SLC16A10: variants seen among roughly 807,000 people sequenced by gnomAD.
SLC16A10 encodes the protein solute carrier family 16 member 10.
A neutral mutation model predicts 40.0 loss-of-function variants in SLC16A10; 27 were observed. That is an observed-to-expected ratio of 0.67 (90% CI 0.50 to 0.93). SLC16A10 has a LOEUF of 0.93. Ranked by LOEUF, SLC16A10 falls within the 40% of genes least tolerant of loss-of-function variation. The pLI is 0.00. For missense variants in SLC16A10, 529 were observed against 658.2 expected (o/e 0.80, Z 2.15); for synonymous variants, 213 against 249.8 (o/e 0.85, Z 1.39).
chr6:111,230,385 TC>T lies in SLC16A10; in HGVS notation c.*8152del, dbSNP rs1308882438. 1.3e-5 allele frequency: 2 copies of T among 152,214 alleles called. No individual in the cohort carries two copies. The highest frequency in any genetic ancestry group is 4.8e-5 in the African/African-American group (2 of 41,446). The allele number at this position is 152,214 out of a possible 1,614,324, so 9.4% of individuals were successfully genotyped here. ...AAGAAGACAATACACACTCTCATTT[TC>T]CTAATTAGAAAGACTATGCATTCAC... is the stretch of plus-strand genomic sequence containing the variant. On this transcript the variant is annotated 3_prime_UTR_variant, in exon 6 of 6. Transcript: ENST00000368851.
At chr6:111,121,027 G>A (rs538891297) in intron 1 of SLC16A10, among the ~76,000 whole-genome samples, 32 of 152,146 alleles carry the variant, frequency 2.1e-4, no homozygotes, top group Middle Eastern at 6.8e-3. Flanking sequence ...ATATATTTTT[G>A]TCAAATATTT....
chr6:111,172,909 CTA>C, intron 2 of SLC16A10, 70 bp downstream of exon 2: 2 of 1,537,284 alleles, frequency 1.3e-6, no homozygotes, highest in Non-Finnish European at 1.8e-6. Flanking sequence ...CTTTCAGAAA[CTA>C]TGCTATTTAC....
At chr6:111,146,228 T>C (rs1433262466) in intron 1 of SLC16A10, among the ~76,000 whole-genome samples, 1 of 152,168 alleles carries the variant, frequency 6.6e-6, no homozygotes, top group East Asian at 1.9e-4. Flanking sequence ...CATTGGTCAT[T>C]AGAGAAATGC....
intron 4 of SLC16A10, among the ~76,000 whole-genome samples, chr6:111,210,991 C>A (rs371053830): frequency 2.0e-5 from 3 of 150,728 alleles, no homozygotes; most frequent in African/African-American, 7.3e-5. Context: ...CTACTGCACT[C>A]CAGCCTGGGT....
chr6:111,212,643 G>C (rs1773362378), intron 4 of SLC16A10, among the ~76,000 whole-genome samples: 1 of 151,924 alleles, frequency 6.6e-6, no homozygotes, highest in African/African-American at 2.4e-5. Context: ...AAATTAAAAA[G>C]TTAGCTGGAC....
intron 1 of SLC16A10, among the ~76,000 whole-genome samples, chr6:111,141,786 T>G (rs1026595133): frequency 3.3e-5 from 5 of 152,210 alleles, no homozygotes; most frequent in African/African-American, 1.2e-4. Context: ...AAAGCTCTGA[T>G]GAAAGAAATA....
chr6:111,094,080 A>T (rs1408290937), intron 1 of SLC16A10, among the ~76,000 whole-genome samples: 1 of 152,238 alleles, frequency 6.6e-6, no homozygotes. Context: ...GAACCCAATT[A>T]GCCAAAATGA....
rs1477698218 is a variant in SLC16A10 at position 111,156,254 on chromosome 6, G to A, written c.344-16441G>A. 3.2e-4 allele frequency among the ~76,000 whole-genome samples: 48 copies of A among 152,212 alleles called. 1 individual carries two copies. Among genetic ancestry groups the A allele is most frequent in the Non-Finnish European group, 2.9e-5 (2 of 68,038 alleles). On this transcript the variant is annotated intron_variant, in intron 1 of 5. Transcript: ENST00000368851. ...AATTTATGTAGGTAAATACTTCACT[G>A]TCAAAGAGGCAGAGCATAATTAATT...
rs541680538 is a variant in SLC16A10, at chr6:111,093,213, A to C, written c.343+5118A>C. Among the ~76,000 whole-genome samples the C allele has an allele frequency of 5.9e-5, 9 of 152,332 alleles. No homozygotes were observed. In the East Asian group the frequency reaches 1.7e-3, roughly 29 times the overall value. On this transcript the variant is annotated intron_variant, in intron 1 of 5. Transcript: ENST00000368851. Reference sequence around the variant, plus strand: ...CAACAAGAGAGAAACTTTGTCTCACACACAAAAAAAGTGTAAATCAAAACA... The same window carrying C: ...CAACAAGAGAGAAACTTTGTCTCACCCACAAAAAAAGTGTAAATCAAAACA...
At chr6:111,212,958 A>G (rs991619046) in intron 4 of SLC16A10, among the ~76,000 whole-genome samples, 13 of 152,154 alleles carry the variant, frequency 8.5e-5, no homozygotes, top group Non-Finnish European at 1.5e-4. Flanking sequence ...GTGTCGTGGT[A>G]TCTTTTTACT....
At chr6:111,125,163 C>T (rs546243074) in intron 1 of SLC16A10, among the ~76,000 whole-genome samples, 38 of 152,110 alleles carry the variant, frequency 2.5e-4, no homozygotes, top group Admixed American at 1.0e-3. Context: ...TCAGTAGATC[C>T]GTGAATCCTG....
intron 3 of SLC16A10, among the ~76,000 whole-genome samples, chr6:111,184,563 C>T (rs1772860493): frequency 6.6e-6 from 1 of 151,612 alleles, no homozygotes; most frequent in Admixed American, 6.6e-5. Flanking sequence ...CTCACTGCAA[C>T]CTTCACCTCC....
intron 3 of SLC16A10, among the ~76,000 whole-genome samples, chr6:111,179,289 C>G (rs1479430694): frequency 6.6e-6 from 1 of 152,198 alleles, no homozygotes; most frequent in Non-Finnish European, 1.5e-5. Flanking sequence ...ACATATATTA[C>G]TTCATTTGAC....
chr6:111,200,104 A>G (rs1773144990), intron 3 of SLC16A10, among the ~76,000 whole-genome samples: 1 of 152,046 alleles, frequency 6.6e-6, no homozygotes, highest in African/African-American at 2.4e-5. Context: ...ACAACCAATC[A>G]CCCATGCCTC....
chr6:111,191,193 T>C (rs1260756693), intron 3 of SLC16A10, among the ~76,000 whole-genome samples: 3 of 152,146 alleles, frequency 2.0e-5, no homozygotes, highest in East Asian at 3.9e-4. Flanking sequence ...TGACCAGCCC[T>C]GGAATGTGAT....
At chr6:111,108,481 G>A (rs1303953095) in intron 1 of SLC16A10, among the ~76,000 whole-genome samples, 1 of 152,152 alleles carries the variant, frequency 6.6e-6, no homozygotes, top group Non-Finnish European at 1.5e-5. Flanking sequence ...TGGACTAATG[G>A]CTGGTATCAA....
chr6:111,174,201 G>C (rs1256416704), intron 2 of SLC16A10, among the ~76,000 whole-genome samples: 4 of 152,102 alleles, frequency 2.6e-5, no homozygotes, highest in Non-Finnish European at 4.4e-5. Flanking sequence ...TACTTTAGTG[G>C]TTTATCTTCA....
chr6:111,220,405 C>G (rs951268903), intron 5 of SLC16A10, among the ~76,000 whole-genome samples: 1 of 152,158 alleles, frequency 6.6e-6, no homozygotes, highest in East Asian at 1.9e-4. Context: ...TTCAGTATTA[C>G]TTGGGTGCCT....
chr6:111,111,308 AACATATAT>A (rs1771381911), intron 1 of SLC16A10, among the ~76,000 whole-genome samples: 1 of 152,220 alleles, frequency 6.6e-6, no homozygotes, highest in African/African-American at 2.4e-5. Context: ...TGTCATACAT[AACATATAT>A]ACATTGTAGA....
Sources: allele counts gnomAD v4.1 joint callset (sites outside exome capture counted in the v4.1 genomes callset), GRCh38; gene constraint gnomAD v4.1.1; transcripts MANE v1.5; gene names NCBI Gene and HGNC (gene_info 2026-07-23, HGNC 2026-07-21).